Variants in THSD4 observed in about 807,000 individuals in gnomAD.
THSD4 encodes the protein thrombospondin type-1 domain-containing protein 4.
THSD4 carries 69 observed loss-of-function variants against 119.0 expected under a neutral mutation model. That is an observed-to-expected ratio of 0.58 (90% CI 0.48 to 0.71). The LOEUF is 0.71. THSD4 is among the 30% of genes least tolerant of loss of function. The probability of loss-of-function intolerance (pLI) is 0.00; values close to 1 mark genes in which losing one functional copy is unlikely to be tolerated. For synonymous variants in THSD4, 524 were observed against 540.4 expected, an observed-to-expected ratio of 0.97 and a Z score of 0.42; for missense variants, 1,393 against 1,391.1, an observed-to-expected ratio of 1.00 and a Z score of -0.02.
intron 6 of THSD4, among the ~76,000 whole-genome samples, chr15:71,305,756 G>T (rs547381558): frequency 1.3e-5 from 2 of 152,250 alleles, no homozygotes; most frequent in South Asian, 2.1e-4. Context: ...AAAGCTGTTT[G>T]TTCTTAATAG....
At chr15:71,582,402 A>G (rs936419910) in intron 7 of THSD4, among the ~76,000 whole-genome samples, 3 of 152,026 alleles carry the variant, frequency 2.0e-5, no homozygotes, top group Admixed American at 6.6e-5. Flanking sequence ...AGGATTTTCT[A>G]TGTATAAGAT....
At chr15:71,148,191 G>T (rs1033650219) in intron 2 of THSD4, among the ~76,000 whole-genome samples, 6 of 152,194 alleles carry the variant, frequency 3.9e-5, no homozygotes, top group African/African-American at 1.4e-4. Flanking sequence ...GGGCCTGTTG[G>T]TCTTGGTTTG....
chr15:71,477,574 G>C (rs538666441), intron 7 of THSD4, among the ~76,000 whole-genome samples: 7 of 152,302 alleles, frequency 4.6e-5, no homozygotes, highest in African/African-American at 1.7e-4. Context: ...AATAAAAGCT[G>C]CTGCTTCCTT....
At chr15:71,330,088 A>G (rs1191774941) in intron 6 of THSD4, among the ~76,000 whole-genome samples, 3 of 126,592 alleles carry the variant, frequency 2.4e-5, no homozygotes, top group South Asian at 4.9e-4. Context: ...TCTCCAAAGG[A>G]AAAAAAAAAA....
intron 1 of THSD4, among the ~76,000 whole-genome samples, chr15:71,119,482 C>A (rs965220971): frequency 6.6e-6 from 1 of 152,164 alleles, no homozygotes; most frequent in African/African-American, 2.4e-5. Context: ...TTGACAGAGG[C>A]CCTGACTTTG....
At chr15:71,370,399 C>G (rs950457222) in intron 6 of THSD4, among the ~76,000 whole-genome samples, 14 of 152,158 alleles carry the variant, frequency 9.2e-5, no homozygotes, top group South Asian at 4.1e-4. Context: ...GATCTTTCCT[C>G]CTTTCTCTTG....
chr15:71,180,829 C>G (rs2043514593), intron 3 of THSD4, among the ~76,000 whole-genome samples: 1 of 151,974 alleles, frequency 6.6e-6, no homozygotes, highest in South Asian at 2.1e-4. Context: ...TGGAAATATT[C>G]TAAGTCTTGA....
chr15:71,374,007 A>G (rs1347939534), intron 6 of THSD4, among the ~76,000 whole-genome samples: 1 of 152,214 alleles, frequency 6.6e-6, no homozygotes, highest in African/African-American at 2.4e-5. Flanking sequence ...GACTGAATTC[A>G]ACTACAAAAT....
intron 7 of THSD4, among the ~76,000 whole-genome samples, chr15:71,413,980 C>A (rs1245104226): frequency 6.6e-6 from 1 of 152,206 alleles, no homozygotes; most frequent in Non-Finnish European, 1.5e-5. Context: ...TCCAAAGCAA[C>A]TGTTTCATTT....
At chr15:71,532,476 ATT>A (rs58655409) in intron 7 of THSD4, among the ~76,000 whole-genome samples, 40,280 of 147,914 alleles carry the variant, frequency 0.27, 6,106 homozygotes, top group East Asian at 0.62. Flanking sequence ...ATGCCCAGCA[ATT>A]TTTTTTTTTT....
At chr15:71,539,792 G>A (rs746416792) in intron 7 of THSD4, among the ~76,000 whole-genome samples, 5 of 152,108 alleles carry the variant, frequency 3.3e-5, no homozygotes, top group Admixed American at 6.5e-5. Context: ...CTTTGCATCC[G>A]TTCTCTTGTT....
chr15:71,280,560 C>A (rs186527348), intron 6 of THSD4, among the ~76,000 whole-genome samples: 145 of 152,278 alleles, frequency 9.5e-4, no homozygotes, highest in Non-Finnish European at 1.5e-3. Context: ...TGCACAGCAG[C>A]CAAATTCCTT....
chr15:71,529,387 T>C (rs2048576762), intron 7 of THSD4, among the ~76,000 whole-genome samples: 1 of 152,254 alleles, frequency 6.6e-6, no homozygotes, highest in Admixed American at 6.5e-5. Flanking sequence ...CTTCTGAACA[T>C]TTTCTATGTT....
chr15:71,322,490 C>T (rs1250294312), intron 6 of THSD4, among the ~76,000 whole-genome samples: 3 of 152,148 alleles, frequency 2.0e-5, no homozygotes, highest in African/African-American at 7.2e-5. Context: ...GAAATGTATT[C>T]GTTGTCTATG....
In THSD4 at chr15:71,779,403, C is replaced by G. The variant is rs1358395718; in HGVS notation, c.*2029C>G. ...AGAGTTGTTCCTGTATGTGGCTGCTCTCAGATCTTTCCAAGCAAGCCAGTC... is the reference window on the plus strand; with the variant it reads ...AGAGTTGTTCCTGTATGTGGCTGCTGTCAGATCTTTCCAAGCAAGCCAGTC... On this transcript the variant is annotated 3_prime_UTR_variant, in exon 18 of 18. Transcript: ENST00000261862. 2 of 152,122 alleles carry G rather than the reference C, an allele frequency of 1.3e-5. No homozygotes were observed. The highest frequency in any genetic ancestry group is 4.8e-5 in the African/African-American group (2 of 41,442). 9.4% of individuals were successfully genotyped at this position (152,122 alleles called of 1,614,324 possible). A position where few individuals can be genotyped will look rare whatever the true frequency, so the allele number is the denominator to read the frequency against.
chr15:71,587,278 T>C (rs1160835606), intron 7 of THSD4, among the ~76,000 whole-genome samples: 6 of 129,354 alleles, frequency 4.6e-5, no homozygotes, highest in East Asian at 2.1e-4. Flanking sequence ...ACTCGGTATA[T>C]ACCCAAAGGA....
At chr15:71,575,519 C>A (rs1290116417) in intron 7 of THSD4, among the ~76,000 whole-genome samples, 1 of 152,136 alleles carries the variant, frequency 6.6e-6, no homozygotes, top group Non-Finnish European at 1.5e-5. Context: ...TTCATATACC[C>A]AGAAATGCAC....
chr15:71,286,765 A>C (rs1200170399), intron 6 of THSD4, among the ~76,000 whole-genome samples: 1 of 152,186 alleles, frequency 6.6e-6, no homozygotes, highest in African/African-American at 2.4e-5. Context: ...TTACACTCCC[A>C]CCAACAGTGT....
chr15:71,450,718 C>A (rs1010814176), intron 7 of THSD4, among the ~76,000 whole-genome samples: 2 of 152,128 alleles, frequency 1.3e-5, no homozygotes, highest in Non-Finnish European at 2.9e-5. Context: ...CCTCACCCTT[C>A]TAGGTTCCTT....
Sources: allele counts gnomAD v4.1 joint callset (sites outside exome capture counted in the v4.1 genomes callset), GRCh38; gene constraint gnomAD v4.1.1; transcripts MANE v1.5; gene names NCBI Gene and HGNC (gene_info 2026-07-23, HGNC 2026-07-21).